The following CASR variants were observed in gnomAD, a reference collection of about 807,000 sequenced individuals.
CASR encodes the protein extracellular calcium-sensing receptor.
In CASR, 23 loss-of-function variants were observed where a neutral mutation model predicts 69.1. The observed-to-expected ratio is 0.33, with a 90% CI of 0.24 to 0.47. CASR has a LOEUF of 0.47. Among genes scored for constraint, CASR ranks in the 20% least tolerant of loss-of-function variants. CASR has a pLI of 1.00. For missense variants in CASR, 924 were observed against 1,356.1 expected (o/e 0.68, Z 5.00); for synonymous variants, 541 against 544.7 (o/e 0.99, Z 0.10).
chr3:122,264,650 A>T (rs1186235126), intron 4 of CASR, among the ~76,000 whole-genome samples: 1 of 152,180 alleles, frequency 6.6e-6, no homozygotes, highest in African/African-American at 2.4e-5. Context: ...CACAGATAGG[A>T]AAATGGGATC....
chr3:122,257,449 G>A (rs2074568216), intron 3 of CASR, 62 bp downstream of exon 3: 5 of 1,268,244 alleles, frequency 3.9e-6, no homozygotes, highest in Non-Finnish European at 5.7e-6. Context: ...GCTTGGGGGT[G>A]CCATGCCCAA....
chr3:122,262,196 C>A lies in CASR; in HGVS notation c.1161C>A (p.Ser387Arg), dbSNP rs1277010189. The A allele has an allele frequency of 6.2e-7, 1 of 1,614,228 alleles. No homozygotes were observed. The highest frequency in any genetic ancestry group is 8.5e-7 in the Non-Finnish European group (1 of 1,180,026). ...AAAGTGGCGACAGGTTTAGCAACAG[C>A]TCGACAGCCTTCCGACCCCTCTGTA... ...HEESGDRFSNSSTAFRPLCTG... is the reference protein window; with the variant it reads ...HEESGDRFSNRSTAFRPLCTG... Residue 387 changes from serine to arginine, a missense_variant, in exon 4 of 7, where the codon AGC becomes AGA. Ser to Arg is a moderately radical substitution (Grantham distance 110). Around this residue, in one of 8 missense-constraint regions of CASR, gnomAD observed 310 missense variants for 395.7 expected, o/e 0.78. Transcript: ENST00000639785.
Position 122,261,701 on chromosome 3 carries a change from G to T in CASR, c.666G>T (p.Gly222=). 1 of 1,614,240 alleles carries T rather than the reference G, an allele frequency of 6.2e-7. No homozygotes were observed. The highest frequency in any genetic ancestry group is 8.5e-7 in the Non-Finnish European group (1 of 1,180,038). Residue 222 remains glycine (G), a synonymous_variant, in exon 4 of 7, where the codon GGG becomes GGT. Transcript: ENST00000639785. ...CTGATGACGACTATGGGCGGCCGGG[G>T]ATTGAGAAATTCCGAGAGGAAGCTG... is the stretch of plus-strand genomic sequence containing the variant. ...IAADDDYGRP[G]IEKFREEAEE... is the part of the protein sequence containing the mutation.
intron 1 of CASR, among the ~76,000 whole-genome samples, chr3:122,211,617 A>G (rs2074067103): frequency 1.3e-5 from 2 of 152,226 alleles, no homozygotes. Context: ...CTGAGACACA[A>G]GAAGTGCCTG....
At chr3:122,238,011 G>A (rs751945619) in intron 1 of CASR, among the ~76,000 whole-genome samples, 1 of 152,174 alleles carries the variant, frequency 6.6e-6, no homozygotes, top group Non-Finnish European at 1.5e-5. Context: ...CTGAACAGAA[G>A]CCTCCACTGA....
At chr3:122,206,293 G>A (rs754618661) in intron 1 of CASR, among the ~76,000 whole-genome samples, 7 of 150,672 alleles carry the variant, frequency 4.6e-5, no homozygotes, top group East Asian at 1.9e-4. Context: ...ATAAAGATAC[G>A]TTGAATTTTA....
At chr3:122,242,675 C>A (rs1394340464) in intron 1 of CASR, among the ~76,000 whole-genome samples, 2 of 152,054 alleles carry the variant, frequency 1.3e-5, no homozygotes, top group Non-Finnish European at 2.9e-5. Flanking sequence ...AAAAAACAAT[C>A]CTAAAATTTA....
chr3:122,190,507 C>G (rs1576811786), intron 1 of CASR, among the ~76,000 whole-genome samples: 1 of 152,166 alleles, frequency 6.6e-6, no homozygotes, highest in African/African-American at 2.4e-5. Context: ...TGTCCAACCT[C>G]TCTATGCCCC....
chr3:122,207,133 C>T lies in CASR; in HGVS notation c.-243+23321C>T, dbSNP rs1200123845. ...TGGTTTGTTCTTGCTTTTGTAGTTC[C>T]GTGAGGTGCATATTAGCAAATATTA... On this transcript the variant is annotated intron_variant, in intron 1 of 6. Transcript: ENST00000639785. Among the ~76,000 whole-genome samples, 10 of 151,518 alleles carry T rather than the reference C, an allele frequency of 6.6e-5. No homozygotes were observed. In the East Asian group the frequency reaches 9.7e-4, roughly 15 times the overall value.
At chr3:122,205,734 T>C (rs2074000490) in intron 1 of CASR, among the ~76,000 whole-genome samples, 1 of 152,024 alleles carries the variant, frequency 6.6e-6, no homozygotes, top group African/African-American at 2.4e-5. Context: ...GTGTGTCCTC[T>C]TCAATTTCTT....
At chr3:122,246,174 G>T (rs532726621) in intron 1 of CASR, among the ~76,000 whole-genome samples, 1 of 152,264 alleles carries the variant, frequency 6.6e-6, no homozygotes. Context: ...ATGACCTGAT[G>T]TGTCTACCCA....
At chr3:122,217,068 T>C (rs1417209281) in intron 1 of CASR, among the ~76,000 whole-genome samples, 2 of 152,130 alleles carry the variant, frequency 1.3e-5, no homozygotes, top group African/African-American at 4.8e-5. Context: ...AATGAATATT[T>C]GTCTAGAACT....
intron 1 of CASR, among the ~76,000 whole-genome samples, chr3:122,252,445 G>GAAAGAAAGAAAGAA (rs1559954401): frequency 1.5e-5 from 1 of 67,778 alleles, no homozygotes; most frequent in African/African-American, 6.6e-5. Flanking sequence ...AAGAAAGAAA[G>GAAAGAAAGAAAGAA]AAAAAAAAGA....
chr3:122,241,455 A>C (rs988746349), intron 1 of CASR, among the ~76,000 whole-genome samples: 2 of 152,148 alleles, frequency 1.3e-5, no homozygotes, highest in Non-Finnish European at 2.9e-5. Context: ...TAATTGAAAC[A>C]TACAACCTAC....
At chr3:122,227,481 G>A (rs774551213) in intron 1 of CASR, among the ~76,000 whole-genome samples, 13 of 152,210 alleles carry the variant, frequency 8.5e-5, no homozygotes, top group South Asian at 6.2e-4. Context: ...GTGCAGGGCC[G>A]CTGAGCCCAC....
rs978440623 is a variant in CASR at position 122,291,157 on chromosome 3, C to T, written c.*5966C>T. On this transcript the variant is annotated 3_prime_UTR_variant, in exon 7 of 7. Coordinates refer to ENST00000639785, the MANE Select transcript of CASR (RefSeq NM_000388.4). Reference sequence around the variant, plus strand: ...TTGGACATTTGGGTTGGTTCCAAGTCTTTGCTATTGTGAATAGTGCCACAA... The same window carrying T: ...TTGGACATTTGGGTTGGTTCCAAGTTTTTGCTATTGTGAATAGTGCCACAA... 4.1e-5 allele frequency: 6 copies of T among 145,852 alleles called. No individual in the cohort carries two copies. The highest frequency in any genetic ancestry group is 4.0e-4 in the East Asian group (2 of 5,044). The allele number at this position is 145,852 out of a possible 1,614,324, so 9.0% of individuals were successfully genotyped here.
chr3:122,207,882 C>T (rs575074686), intron 1 of CASR, among the ~76,000 whole-genome samples: 1 of 152,196 alleles, frequency 6.6e-6, no homozygotes, highest in African/African-American at 2.4e-5. Context: ...ATAGCATTAA[C>T]TCTGTTGTTT....
intron 1 of CASR, among the ~76,000 whole-genome samples, chr3:122,192,298 C>T (rs1462542176): frequency 1.3e-5 from 2 of 152,176 alleles, no homozygotes; most frequent in African/African-American, 2.4e-5. Context: ...CTACTTTTTT[C>T]ATCTGTACAA....
intron 4 of CASR, among the ~76,000 whole-genome samples, chr3:122,264,482 G>T (rs983657359): frequency 1.3e-5 from 2 of 152,174 alleles, no homozygotes; most frequent in African/African-American, 2.4e-5. Context: ...ATCTCCAGTG[G>T]GAAGTCAGGA....
Sources: allele counts gnomAD v4.1 joint callset (sites outside exome capture counted in the v4.1 genomes callset), GRCh38; gene constraint gnomAD v4.1.1; regional missense constraint gnomAD v4.1.1; transcripts MANE v1.5; gene names NCBI Gene and HGNC (gene_info 2026-07-23, HGNC 2026-07-21).